The following NFATC2 variants were observed in gnomAD, a reference collection of about 807,000 sequenced individuals.
The protein encoded by NFATC2 is nuclear factor of activated T cells 2, also known as nuclear factor of activated T-cells, cytoplasmic 2.
A neutral mutation model predicts 87.3 loss-of-function variants in NFATC2; 22 were observed. The observed-to-expected ratio is 0.25, with a 90% confidence interval of 0.18 to 0.36. The LOEUF is 0.36. NFATC2 is among the 10% of genes least tolerant of loss of function. The probability of loss-of-function intolerance (pLI) is 1.00; values close to 1 mark genes in which losing one functional copy is unlikely to be tolerated. For synonymous variants in NFATC2, 565 were observed against 542.2 expected (o/e 1.04, Z -0.58); for missense variants, 1,149 against 1,259.1 (o/e 0.91, Z 1.32).
intron 9 of NFATC2, among the ~76,000 whole-genome samples, chr20:51,406,645 AC>A (rs1978361158): frequency 6.6e-6 from 1 of 152,018 alleles, no homozygotes; most frequent in East Asian, 1.9e-4. Flanking sequence ...ATTCCCACAA[AC>A]CCACCAGCAA....
At chr20:51,556,537 C>G (rs917115384) in intron 1 of NFATC2, among the ~76,000 whole-genome samples, 4 of 152,136 alleles carry the variant, frequency 2.6e-5, no homozygotes, top group African/African-American at 9.7e-5. Flanking sequence ...TTGGAAAGTA[C>G]CCGGCACGTG....
intron 9 of NFATC2, among the ~76,000 whole-genome samples, chr20:51,407,598 A>G (rs987808622): frequency 7.9e-5 from 12 of 152,220 alleles, no homozygotes; most frequent in Non-Finnish European, 1.0e-4. Context: ...AGGAGGAGAC[A>G]GTGCCTCTGA....
intron 3 of NFATC2, among the ~76,000 whole-genome samples, chr20:51,479,715 C>T (rs186471880): frequency 6.6e-6 from 1 of 152,328 alleles, no homozygotes; most frequent in East Asian, 1.9e-4. Context: ...CATCTCACAA[C>T]AATTCCACGT....
intron 9 of NFATC2, among the ~76,000 whole-genome samples, chr20:51,426,678 G>T (rs941765850): frequency 6.6e-6 from 1 of 152,140 alleles, no homozygotes; most frequent in African/African-American, 2.4e-5. Context: ...TGACACTCAA[G>T]ACACAAAAGA....
At chr20:51,473,243 C>A (rs1303266750) in intron 5 of NFATC2, among the ~76,000 whole-genome samples, 2 of 152,062 alleles carry the variant, frequency 1.3e-5, no homozygotes, top group Non-Finnish European at 2.9e-5. Context: ...TCATTAAGGC[C>A]AGAGAAAGTG....
chr20:51,447,410 G>C (rs972203265), intron 6 of NFATC2, among the ~76,000 whole-genome samples: 1 of 152,218 alleles, frequency 6.6e-6, no homozygotes, highest in Non-Finnish European at 1.5e-5. Flanking sequence ...AGGACACACA[G>C]AGCCAGGGAG....
At chr20:51,410,892 T>C (rs1292180796) in intron 9 of NFATC2, among the ~76,000 whole-genome samples, 6 of 152,168 alleles carry the variant, frequency 3.9e-5, no homozygotes, top group African/African-American at 7.2e-5. Flanking sequence ...TTTTCTTCCT[T>C]ACTAGACTGT....
chr20:51,432,549 G>A lies in NFATC2; in HGVS notation c.2240C>T (p.Pro747Leu), dbSNP rs767767165. The A allele has an allele frequency of 6.5e-7, 1 of 1,544,802 alleles. No homozygotes were observed. The highest frequency in any genetic ancestry group is 2.0e-5 in the Admixed American group (1 of 49,418). The change falls in exon 9 of 11, where the codon CCA becomes CTA. Residue 747 changes from proline to leucine, a missense_variant. Physicochemically the swap from Pro to Leu is moderately conservative, Grantham distance 98. Around this residue, in one of 3 missense-constraint regions of NFATC2, gnomAD observed 581 missense variants for 649.7 expected, o/e 0.89. Transcript: ENST00000371564. This position sits in a 1 kb window ranked among gnomAD's most constrained non-coding sequence, Gnocchi z 4.6. ...SPDARYQQQNPAAVLYQRSKS... is the reference protein window; with the variant it reads ...SPDARYQQQNLAAVLYQRSKS... Reference sequence around the variant, plus strand: ...GCTCCGCTGGTAGAGTACGGCCGCTGGGTTCTGTTGCTGGTAGCGGGCGTC... The same window carrying A: ...GCTCCGCTGGTAGAGTACGGCCGCTAGGTTCTGTTGCTGGTAGCGGGCGTC...
chr20:51,406,137 T>C (rs2146257123), intron 9 of NFATC2, among the ~76,000 whole-genome samples: 1 of 152,298 alleles, frequency 6.6e-6, no homozygotes, highest in Non-Finnish European at 1.5e-5. Flanking sequence ...ACTGCCCCCA[T>C]TACACAGCTG....
intron 5 of NFATC2, among the ~76,000 whole-genome samples, chr20:51,459,257 G>A (rs572539231): frequency 6.6e-6 from 1 of 152,292 alleles, no homozygotes; most frequent in South Asian, 2.1e-4. Flanking sequence ...GCCATGACAT[G>A]GGTGGACCTT....
chr20:51,526,238 C>T (rs77671702), intron 1 of NFATC2, among the ~76,000 whole-genome samples: 4,298 of 152,178 alleles, frequency 0.028, 187 homozygotes, highest in African/African-American at 0.098. Flanking sequence ...GCAGGCAAAC[C>T]ACAGCCCATG....
At chr20:51,422,251 C>T (rs771103995) in intron 9 of NFATC2, among the ~76,000 whole-genome samples, 10 of 152,188 alleles carry the variant, frequency 6.6e-5, no homozygotes, top group African/African-American at 1.4e-4. Context: ...GAATCCACTT[C>T]GGCTGCCTTG....
intron 4 of NFATC2, 134 bp downstream of exon 4, chr20:51,475,324 T>C: frequency 1.2e-6 from 1 of 840,014 alleles, no homozygotes. Flanking sequence ...AACGGGTCGA[T>C]GGATCACAGA....
intron 1 of NFATC2, among the ~76,000 whole-genome samples, chr20:51,561,484 A>AAAGAAAGAAAGCAAGAAAGCAAGCAAGC (rs2077029945): frequency 1.1e-5 from 1 of 89,980 alleles, no homozygotes; most frequent in African/African-American, 4.6e-5. Context: ...AGAAAGAAAG[A>AAAGAAAGAAAGCAAGAAAGCAAGCAAGC]AAGCAAGCAA....
At chr20:51,463,131 G>A (rs770105476) in intron 5 of NFATC2, among the ~76,000 whole-genome samples, 4 of 152,220 alleles carry the variant, frequency 2.6e-5, no homozygotes, top group Non-Finnish European at 5.9e-5. Context: ...ATGTGCTGCC[G>A]ACTCAGGCAT....
At chr20:51,519,830 C>T (rs556064784) in intron 2 of NFATC2, among the ~76,000 whole-genome samples, 1 of 150,202 alleles carries the variant, frequency 6.7e-6, no homozygotes, top group Non-Finnish European at 1.5e-5. Context: ...GCAGGAGAAT[C>T]ACTTGAACCC....
At chr20:51,426,133 A>G (rs535263431) in intron 9 of NFATC2, among the ~76,000 whole-genome samples, 42 of 152,298 alleles carry the variant, frequency 2.8e-4, no homozygotes, top group Non-Finnish European at 5.1e-4. Context: ...TCTCCTACAC[A>G]AATAGATTTT....
chr20:51,407,581 G>A (rs1457558275), intron 9 of NFATC2, among the ~76,000 whole-genome samples: 1 of 152,192 alleles, frequency 6.6e-6, no homozygotes, highest in African/African-American at 2.4e-5. Context: ...ACGCTTCATG[G>A]TCACAAAGGA....
chr20:51,400,717 C>A (rs535825152), intron 9 of NFATC2, among the ~76,000 whole-genome samples: 1 of 152,186 alleles, frequency 6.6e-6, no homozygotes, highest in African/African-American at 2.4e-5. Context: ...CACCCTCCTC[C>A]GCAGGTGGCT....
Sources: allele counts gnomAD v4.1 joint callset (sites outside exome capture counted in the v4.1 genomes callset), GRCh38; gene constraint gnomAD v4.1.1; regional missense constraint gnomAD v4.1.1; non-coding constraint Gnocchi (gnomAD v3.1); transcripts MANE v1.5; gene names NCBI Gene and HGNC (gene_info 2026-07-23, HGNC 2026-07-21).